SMIM31: variants seen among roughly 807,000 people sequenced by gnomAD.
SMIM31 encodes small integral membrane protein 31, also known as human epithelial cell program regulator.
chr4:164,773,507 G>T (rs781485905), intron 2 of SMIM31, among the ~76,000 whole-genome samples: 3 of 152,144 alleles, frequency 2.0e-5, no homozygotes, highest in Non-Finnish European at 2.9e-5. Flanking sequence ...AGAAGAAGAA[G>T]AATGAGCGAA....
At chr4:164,786,162 G>A (rs1733023307) in intron 2 of SMIM31, among the ~76,000 whole-genome samples, 2 of 152,064 alleles carry the variant, frequency 1.3e-5, no homozygotes, top group Admixed American at 6.6e-5. Context: ...AATTTCCCAG[G>A]AACTTAATCT....
intron 1 of SMIM31, among the ~76,000 whole-genome samples, chr4:164,759,667 C>T (rs1732619426): frequency 6.6e-6 from 1 of 152,100 alleles, no homozygotes; most frequent in Admixed American, 6.5e-5. Flanking sequence ...TTCATTCATT[C>T]ATTCATTCAT....
intron 2 of SMIM31, among the ~76,000 whole-genome samples, chr4:164,794,698 A>G (rs2110962125): frequency 6.6e-6 from 1 of 151,928 alleles, no homozygotes; most frequent in African/African-American, 2.4e-5. Context: ...CCAGCTCCTC[A>G]GGAGGCTGAG....
chr4:164,770,395 G>A (rs1438923546), intron 1 of SMIM31, 24 bp from the exon 2 acceptor site: 6 of 398,696 alleles, frequency 1.5e-5, no homozygotes, highest in Non-Finnish European at 2.7e-5. Context: ...AGTATGCTGA[G>A]CCCATGTTTT....
At chr4:164,783,800 T>C (rs1732992307) in intron 2 of SMIM31, among the ~76,000 whole-genome samples, 1 of 151,886 alleles carries the variant, frequency 6.6e-6, no homozygotes, top group Non-Finnish European at 1.5e-5. Context: ...AAAAGAAAAA[T>C]ATGTGATATA....
chr4:164,798,230 AT>A (rs70952644), intron 2 of SMIM31, among the ~76,000 whole-genome samples: 19 of 147,026 alleles, frequency 1.3e-4, no homozygotes, highest in East Asian at 1.2e-3. Flanking sequence ...AATGATTTTT[AT>A]TTTTTTTTTT....
At chr4:164,796,656 A>G (rs985438531) in intron 2 of SMIM31, among the ~76,000 whole-genome samples, 1 of 152,050 alleles carries the variant, frequency 6.6e-6, no homozygotes, top group Non-Finnish European at 1.5e-5. Context: ...GTTGTTGGCA[A>G]CTCCATCTTT....
At chr4:164,783,181 G>A (rs1732980529) in intron 2 of SMIM31, among the ~76,000 whole-genome samples, 2 of 136,764 alleles carry the variant, frequency 1.5e-5, no homozygotes, top group Admixed American at 1.6e-4. Context: ...TCAGGCCACT[G>A]CACTCCAGCC....
At chr4:164,754,807 T>C (rs1732535753) in intron 1 of SMIM31, among the ~76,000 whole-genome samples, 1 of 151,422 alleles carries the variant, frequency 6.6e-6, no homozygotes, top group Non-Finnish European at 1.5e-5. Context: ...GCTGAAAGTA[T>C]GGTACCATAT....
chr4:164,798,627 G>A (rs1338601358), intron 2 of SMIM31, among the ~76,000 whole-genome samples: 1 of 152,144 alleles, frequency 6.6e-6, no homozygotes, highest in African/African-American at 2.4e-5. Context: ...TCTACTATCT[G>A]CAAGCTGGAG....
At chr4:164,759,691 T>C (rs1382634039) in intron 1 of SMIM31, among the ~76,000 whole-genome samples, 2 of 152,298 alleles carry the variant, frequency 1.3e-5, no homozygotes, top group African/African-American at 2.4e-5. Context: ...CTGAATCATA[T>C]TGGTAAATAC....
rs148597555 is a variant in SMIM31 at position 164,801,824 on chromosome 4, G to A, written c.*630G>A. The A allele has an allele frequency of 7.9e-5, 12 of 152,152 alleles. No individual in the cohort carries two copies. Among genetic ancestry groups the A allele is most frequent in the African/African-American group, 2.4e-4 (10 of 41,508 alleles). 9.4% of individuals were successfully genotyped at this position (152,152 alleles called of 1,614,324 possible). On this transcript the variant is annotated 3_prime_UTR_variant, in exon 3 of 3. Transcript: ENST00000507311. The stretch of plus-strand genomic sequence containing the variant: ...AGACATGAGTGTTTGTAAATCTCTC[G>A]TCCCAATACTATGTAAATCCTTAAT...
chr4:164,763,504 A>G (rs1732678596), intron 1 of SMIM31, among the ~76,000 whole-genome samples: 1 of 152,248 alleles, frequency 6.6e-6, no homozygotes, highest in Non-Finnish European at 1.5e-5. Flanking sequence ...CTTTTTAAAG[A>G]ATAAATCTGC....
chr4:164,792,714 A>G (rs1733118990), intron 2 of SMIM31, among the ~76,000 whole-genome samples: 1 of 152,222 alleles, frequency 6.6e-6, no homozygotes, highest in African/African-American at 2.4e-5. Flanking sequence ...AGTTTTCTAC[A>G]GATTCACCAA....
chr4:164,769,325 T>G (rs1365643678), intron 1 of SMIM31, among the ~76,000 whole-genome samples: 1 of 152,148 alleles, frequency 6.6e-6, no homozygotes, highest in Non-Finnish European at 1.5e-5. Context: ...GAAAAAAGAC[T>G]AAGCTCTCAT....
chr4:164,763,054 GA>G (rs1167302888), intron 1 of SMIM31, among the ~76,000 whole-genome samples: 2 of 151,988 alleles, frequency 1.3e-5, no homozygotes, highest in Non-Finnish European at 2.9e-5. Flanking sequence ...AAGACATAAA[GA>G]AAAAAATGAA....
rs74908508 is a variant in SMIM31 at position 164,801,751 on chromosome 4, G to A, written c.*557G>A. 2 of 152,170 alleles carry A rather than the reference G, an allele frequency of 1.3e-5. No homozygotes were observed. Among genetic ancestry groups the A allele is most frequent in the East Asian group, 3.9e-4 (2 of 5,176 alleles). 9.4% of individuals were successfully genotyped at this position (152,170 alleles called of 1,614,324 possible). A position where few individuals can be genotyped will look rare whatever the true frequency, so the allele number is the denominator to read the frequency against. ...GGAAATATTAGCATTGCCTCAGTAAGCTTTAAAACACAAATGTCTACGTTT... is the reference window on the plus strand; with the variant it reads ...GGAAATATTAGCATTGCCTCAGTAAACTTTAAAACACAAATGTCTACGTTT... On this transcript the variant is annotated 3_prime_UTR_variant, in exon 3 of 3. Transcript: ENST00000507311.
At chr4:164,761,871 C>A (rs1200690498) in intron 1 of SMIM31, among the ~76,000 whole-genome samples, 2 of 151,646 alleles carry the variant, frequency 1.3e-5, no homozygotes, top group Non-Finnish European at 2.9e-5. Context: ...TGAAGTGAGC[C>A]GAGATCCTGC....
At chr4:164,791,205 G>C (rs1307421282) in intron 2 of SMIM31, among the ~76,000 whole-genome samples, 2 of 151,970 alleles carry the variant, frequency 1.3e-5, no homozygotes, top group African/African-American at 4.8e-5. Context: ...ATTACATTGA[G>C]TAGATTAATG....
Sources: allele counts gnomAD v4.1 joint callset (sites outside exome capture counted in the v4.1 genomes callset), GRCh38; gene constraint gnomAD v4.1.1; transcripts MANE v1.5; gene names NCBI Gene and HGNC (gene_info 2026-07-23, HGNC 2026-07-21).